FUT8: variants seen among roughly 807,000 people sequenced by gnomAD.
The protein encoded by FUT8 is alpha-(1,6)-fucosyltransferase.
FUT8 carries 29 observed loss-of-function variants against 71.3 expected under a neutral mutation model. The observed-to-expected ratio is 0.41, with a 90% CI of 0.30 to 0.55. The LOEUF is 0.55. Ranked by LOEUF, FUT8 falls within the 20% of genes least tolerant of loss-of-function variation. The probability of loss-of-function intolerance (pLI) is 0.34; values close to 1 mark genes in which losing one functional copy is unlikely to be tolerated. For synonymous variants in FUT8, 254 were observed against 239.3 expected (o/e 1.06, Z -0.57); for missense variants, 544 against 702.1 (o/e 0.77, Z 2.55).
chr14:65,492,918 C>CA (rs1038136987), intron 2 of FUT8, among the ~76,000 whole-genome samples: 101 of 152,158 alleles, frequency 6.6e-4, no homozygotes, highest in African/African-American at 2.3e-3. Context: ...TCTCCCTCCC[C>CA]ACCTGCTTCC....
At chr14:65,735,644 G>A (rs1301653108) in intron 10 of FUT8, among the ~76,000 whole-genome samples, 1 of 152,076 alleles carries the variant, frequency 6.6e-6, no homozygotes, top group Non-Finnish European at 1.5e-5. Context: ...AAGTTTAACA[G>A]TAGAAATACC....
intron 7 of FUT8, among the ~76,000 whole-genome samples, chr14:65,677,114 T>TTGTG (rs1555383258): frequency 0.045 from 4,998 of 110,038 alleles, 146 homozygotes; most frequent in East Asian, 0.06. Context: ...AAAGACATAT[T>TTGTG]TGTGTGTGTG....
chr14:65,412,016 GCCTCTCC>G (rs1345424935), upstream of FUT8: 2 of 456,690 alleles, frequency 4.4e-6, no homozygotes, highest in East Asian at 7.0e-5. Context: ...CTAGGGCAAA[GCCTCTCC>G]CCTCTCCCCG....
rs116910735 is a variant in FUT8 at position 65,574,781 on chromosome 14, T to C, written c.203+13015T>C. Among the ~76,000 whole-genome samples the C allele has an allele frequency of 5.7e-3, 874 of 152,318 alleles. 32 individuals carry two copies. In the East Asian group the frequency reaches 0.093, roughly 16 times the overall value. On this transcript the variant is annotated intron_variant, in intron 3 of 10. Transcript: ENST00000673929. This position sits in a 1 kb window ranked among gnomAD's most constrained non-coding sequence, Gnocchi z 5.2. ...TTCAATCACAGTGAACTTCATTGTT[T>C]GTGGCGCAATGTCTTGCTTCCCTTG... is the stretch of plus-strand genomic sequence containing the variant.
chr14:65,488,558 C>A (rs563268486), intron 2 of FUT8: 1 of 152,308 alleles, frequency 6.6e-6, no homozygotes, highest in East Asian at 1.9e-4. Flanking sequence ...ATTTCTTTGT[C>A]TTTATGAGGT....
rs1459099659 is a variant in FUT8 at position 65,413,439 on chromosome 14, G to A, written c.-326+225G>A. On this transcript the variant is annotated intron_variant, in intron 1 of 10. Coordinates refer to ENST00000673929, the MANE Select transcript of FUT8 (RefSeq NM_001371533.1). The surrounding 1 kb of genome is among the most constrained non-coding windows in gnomAD (Gnocchi z 4.1). ...CCCGGGGGCGCGGGCAGAGGGTGAG[G>A]GGCGCCCGCCTCTCCAGCCGGGACG... is the stretch of plus-strand genomic sequence containing the variant. Among the ~76,000 whole-genome samples, 3 of 152,014 alleles carry A rather than the reference G, an allele frequency of 2.0e-5. No individual in the cohort carries two copies. Among genetic ancestry groups the A allele is most frequent in the Non-Finnish European group, 4.4e-5 (3 of 68,006 alleles).
the FUT8 span, among the ~76,000 whole-genome samples, chr14:65,376,945 CG>C: frequency 6.6e-6 from 1 of 152,082 alleles, no homozygotes; most frequent in African/African-American, 2.4e-5. Context: ...TCAGGTAGCC[CG>C]GAAGAGCCTG....
At chr14:65,528,486 C>G (rs1199703981) in intron 2 of FUT8, among the ~76,000 whole-genome samples, 1 of 152,204 alleles carries the variant, frequency 6.6e-6, no homozygotes. Context: ...TTCCTGACCC[C>G]TTGAGCTTCC....
intron 1 of FUT8, among the ~76,000 whole-genome samples, chr14:65,445,520 G>A (rs1013684016): frequency 2.0e-5 from 3 of 152,168 alleles, no homozygotes; most frequent in African/African-American, 7.2e-5. Flanking sequence ...TGATAGAACT[G>A]TTCTGTATCC....
the FUT8 span, among the ~76,000 whole-genome samples, chr14:65,367,733 C>T: frequency 6.6e-6 from 1 of 152,174 alleles, no homozygotes; most frequent in African/African-American, 2.4e-5. Context: ...GAGAACACTT[C>T]TGAAATTCTC....
intron 2 of FUT8, among the ~76,000 whole-genome samples, chr14:65,536,303 G>A (rs1391048442): frequency 6.6e-6 from 1 of 152,104 alleles, no homozygotes. Context: ...TGTGTTGTTA[G>A]CTTTTTATTA....
chr14:65,507,959 G>A (rs1341071141), intron 2 of FUT8, among the ~76,000 whole-genome samples: 1 of 151,990 alleles, frequency 6.6e-6, no homozygotes, highest in Non-Finnish European at 1.5e-5. Context: ...ATCTTTGCCA[G>A]CATTGATTAT....
At chr14:65,535,028 T>C (rs572395790) in intron 2 of FUT8, among the ~76,000 whole-genome samples, 1 of 151,066 alleles carries the variant, frequency 6.6e-6, no homozygotes, top group Non-Finnish European at 1.5e-5. Flanking sequence ...AATTGAGATC[T>C]AATATATATG....
chr14:65,610,471 C>T (rs1357114282), intron 3 of FUT8, among the ~76,000 whole-genome samples: 2 of 151,474 alleles, frequency 1.3e-5, no homozygotes, highest in East Asian at 1.9e-4. Context: ...CTCACCACAG[C>T]CTCTGTCTCC....
chr14:65,477,483 T>C (rs920042929), intron 2 of FUT8, among the ~76,000 whole-genome samples: 10 of 152,170 alleles, frequency 6.6e-5, no homozygotes, highest in Non-Finnish European at 2.9e-5. Context: ...TGTTTAAACT[T>C]TAGCAAAATA....
At chr14:65,587,387 C>T (rs181714937) in intron 3 of FUT8, among the ~76,000 whole-genome samples, 6 of 152,118 alleles carry the variant, frequency 3.9e-5, no homozygotes, top group Non-Finnish European at 8.8e-5. Context: ...GGCCAATAGT[C>T]CAAGTCTTTT....
rs114217123 is a variant in FUT8 at position 65,627,928 on chromosome 14, G to A, written c.483-1564G>A. Among the ~76,000 whole-genome samples, 66 of 152,256 alleles carry A rather than the reference G, an allele frequency of 4.3e-4. No homozygotes were observed. The highest frequency in any genetic ancestry group is 1.6e-3 in the African/African-American group (65 of 41,558). On this transcript the variant is annotated intron_variant, in intron 5 of 10. Transcript: ENST00000673929. The surrounding 1 kb of genome is among the most constrained non-coding windows in gnomAD (Gnocchi z 4.0). ...GCCTGACATTGCTTGGAGGTTAAGG[G>A]GGTGCCTTCTTCTGCCCTCTTAAGT...
At chr14:65,374,529 A>C in the FUT8 span, among the ~76,000 whole-genome samples, 2 of 152,016 alleles carry the variant, frequency 1.3e-5, no homozygotes, top group African/African-American at 4.8e-5. Context: ...TGGTTCCTCA[A>C]GTTCCCCAAA....
chr14:65,542,773 A>G (rs1884751900), intron 2 of FUT8, among the ~76,000 whole-genome samples: 1 of 152,026 alleles, frequency 6.6e-6, no homozygotes, highest in Non-Finnish European at 1.5e-5. Flanking sequence ...TGTGTTGTAT[A>G]TGACTAGGAA....
Sources: gnomAD v4.1 joint callset for allele counts (sites outside exome capture counted in the v4.1 genomes callset) on GRCh38, gnomAD v4.1.1 for gene constraint, Gnocchi (gnomAD v3.1) non-coding constraint, MANE v1.5 for transcripts, NCBI Gene and HGNC (gene_info 2026-07-23, HGNC 2026-07-21) for gene names.